Variants in KCNU1 observed in about 807,000 individuals in gnomAD.
KCNU1 encodes the protein potassium calcium-activated channel subfamily U member 1.
In KCNU1, 93 loss-of-function variants were observed where a neutral mutation model predicts 126.8. That is an observed-to-expected ratio of 0.73 (90% confidence interval 0.62 to 0.87). The LOEUF is 0.87. Among genes scored for constraint, KCNU1 ranks in the 40% least tolerant of loss-of-function variants. The pLI is 0.00. For synonymous variants in KCNU1, 523 were observed against 494.2 expected (o/e 1.06, Z -0.77); for missense variants, 1,330 against 1,367.1 (o/e 0.97, Z 0.43).
chr8:36,844,166 G>C, intron 16 of KCNU1, among the ~76,000 whole-genome samples: 1 of 152,244 alleles, frequency 6.6e-6, no homozygotes, highest in Admixed American at 6.5e-5. Flanking sequence ...ATCACCTGAG[G>C]TCAGGGGTTT....
intron 21 of KCNU1, among the ~76,000 whole-genome samples, chr8:36,909,941 A>G (rs1015982205): frequency 6.6e-6 from 1 of 152,186 alleles, no homozygotes; most frequent in Non-Finnish European, 1.5e-5. Context: ...TTTGTGCTCT[A>G]GCTTTTTCAT....
chr8:36,806,246 G>C, intron 4 of KCNU1, 23 bp from the exon 5 acceptor site: 1 of 1,470,186 alleles, frequency 6.8e-7, no homozygotes, highest in Non-Finnish European at 9.4e-7. Context: ...CAGAATTTGT[G>C]TTATTCTGTT....
At chr8:36,915,459 C>T (rs1808060519) in intron 22 of KCNU1, among the ~76,000 whole-genome samples, 1 of 152,232 alleles carries the variant, frequency 6.6e-6, no homozygotes, top group South Asian at 2.1e-4. Flanking sequence ...GTACATGTAA[C>T]AATTATATAA....
intron 26 of KCNU1, among the ~76,000 whole-genome samples, chr8:36,933,999 T>A (rs964783171): frequency 6.6e-6 from 1 of 152,064 alleles, no homozygotes; most frequent in African/African-American, 2.4e-5. Flanking sequence ...TGTGAAGCAA[T>A]CCTGGACCAT....
Position 36,850,123 on chromosome 8 carries a change from A to G in KCNU1, c.1891+4224A>G, listed in dbSNP as rs115353777. 9.4e-3 allele frequency among the ~76,000 whole-genome samples: 1,431 copies of G among 152,298 alleles called. 18 individuals are homozygous for G. The highest frequency in any genetic ancestry group is 0.033 in the African/African-American group (1,369 of 41,568). ...CCATTTACATATCTTCTTTGAAGAA[A>G]TATCTACTTAGATCCTATTTTTAAA... On this transcript the variant is annotated intron_variant, in intron 18 of 26. Transcript: ENST00000399881.
At chr8:36,934,995 C>T (rs1207407502) in intron 26 of KCNU1, among the ~76,000 whole-genome samples, 2 of 151,972 alleles carry the variant, frequency 1.3e-5, no homozygotes, top group African/African-American at 4.8e-5. Flanking sequence ...GTGGGAAAGT[C>T]GGTGGCATAA....
At chr8:36,799,697 G>C (rs912207252) in intron 2 of KCNU1, among the ~76,000 whole-genome samples, 1 of 138,682 alleles carries the variant, frequency 7.2e-6, no homozygotes, top group African/African-American at 2.9e-5. Flanking sequence ...ACCACACTTG[G>C]CTATTTTTTT....
At chr8:36,873,706 C>T (rs1353513386) in intron 19 of KCNU1, among the ~76,000 whole-genome samples, 1 of 152,118 alleles carries the variant, frequency 6.6e-6, no homozygotes. Flanking sequence ...TGCTGGGCAG[C>T]TTTACAAGTT....
chr8:36,808,432 G>A (rs541205839), intron 6 of KCNU1, among the ~76,000 whole-genome samples: 12 of 152,164 alleles, frequency 7.9e-5, no homozygotes, highest in Non-Finnish European at 1.0e-4. Flanking sequence ...AGTGGATATC[G>A]CAGCAAAAGT....
Position 36,836,902 on chromosome 8 carries a change from T to G in KCNU1, c.1475T>G (p.Leu492Trp). The change falls in exon 14 of 27, where the codon TTG (leucine) becomes TGG (tryptophan). Residue 492 changes from leucine to tryptophan, a missense_variant. Leu to Trp is a moderately conservative substitution (Grantham distance 61). Transcript: ENST00000399881. ...FIAQGCLVPG[L>W]CTFLTSLFVE... ...GCCCAAGGCTGTTTGGTGCCAGGCTTGTGTACCTTCCTAACATCTCTATTT... is the reference window on the plus strand; with the variant it reads ...GCCCAAGGCTGTTTGGTGCCAGGCTGGTGTACCTTCCTAACATCTCTATTT... The G allele has an allele frequency of 6.2e-7, 1 of 1,613,910 alleles. No homozygotes were observed. The highest frequency in any genetic ancestry group is 8.5e-7 in the Non-Finnish European group (1 of 1,179,818).
intron 2 of KCNU1, among the ~76,000 whole-genome samples, chr8:36,803,332 T>C (rs1306158677): frequency 6.6e-6 from 1 of 152,154 alleles, no homozygotes; most frequent in Non-Finnish European, 1.5e-5. Context: ...GGTTGGAAAC[T>C]AGAAATAACT....
At chr8:36,898,336 A>G (rs1018499493) in intron 19 of KCNU1, among the ~76,000 whole-genome samples, 18 of 151,906 alleles carry the variant, frequency 1.2e-4, no homozygotes, top group Non-Finnish European at 2.5e-4. Context: ...CACCAGTAAC[A>G]TTTTGATGGG....
At chr8:36,873,867 T>A (rs1337940180) in intron 19 of KCNU1, among the ~76,000 whole-genome samples, 3 of 152,130 alleles carry the variant, frequency 2.0e-5, no homozygotes, top group East Asian at 3.8e-4. Context: ...TAAGTGAAAA[T>A]GTAATTAGAT....
At chr8:36,820,159 T>G (rs1021371565) in intron 10 of KCNU1, among the ~76,000 whole-genome samples, 10 of 152,136 alleles carry the variant, frequency 6.6e-5, no homozygotes, top group African/African-American at 2.2e-4. Context: ...ATGCCCCTAG[T>G]CAACAATACA....
At chr8:36,863,697 T>A (rs1202056341) in intron 18 of KCNU1, among the ~76,000 whole-genome samples, 1 of 152,154 alleles carries the variant, frequency 6.6e-6, no homozygotes, top group Non-Finnish European at 1.5e-5. Flanking sequence ...TGATTGTATA[T>A]CAACATATGG....
At chr8:36,855,826 T>C (rs1805509867) in intron 18 of KCNU1, among the ~76,000 whole-genome samples, 1 of 152,146 alleles carries the variant, frequency 6.6e-6, no homozygotes, top group Admixed American at 6.6e-5. Context: ...ATAAAATTCT[T>C]GGTTGGCAGT....
At chr8:36,875,461 C>A (rs1186066176) in intron 19 of KCNU1, among the ~76,000 whole-genome samples, 1 of 149,774 alleles carries the variant, frequency 6.7e-6, no homozygotes, top group Non-Finnish European at 1.5e-5. Context: ...TATACACACA[C>A]ACACATTACA....
intron 3 of KCNU1, among the ~76,000 whole-genome samples, 153 bp from the exon 4 acceptor site, chr8:36,805,042 A>G (rs1803446906): frequency 6.6e-6 from 1 of 152,172 alleles, no homozygotes; most frequent in Admixed American, 6.5e-5. Context: ...TCTACTCCCA[A>G]GAGAAAAGTT....
chr8:36,896,748 G>A (rs1002947459), intron 19 of KCNU1, among the ~76,000 whole-genome samples: 31 of 152,016 alleles, frequency 2.0e-4, no homozygotes, highest in African/African-American at 6.3e-4. Context: ...AAAGAGCTTA[G>A]ACATGATTGG....
Sources: allele counts gnomAD v4.1 joint callset (sites outside exome capture counted in the v4.1 genomes callset), GRCh38; gene constraint gnomAD v4.1.1; transcripts MANE v1.5; gene names NCBI Gene and HGNC (gene_info 2026-07-23, HGNC 2026-07-21).